ZNF254: variants seen among roughly 807,000 people sequenced by gnomAD.
The protein encoded by ZNF254 is zinc finger protein 254.
In ZNF254, 10 loss-of-function variants were observed where a neutral mutation model predicts 12.4. The ratio of observed to expected loss-of-function variants is 0.80; its 90% CI spans 0.50 to 1.36. The LOEUF (loss-of-function observed/expected upper bound fraction) is 1.36, where lower values mean the gene tolerates loss of function less well. Among genes scored for constraint, ZNF254 ranks in the 40% most tolerant of loss-of-function variants. ZNF254 has a pLI of 0.00. For missense variants in ZNF254, 996 were observed against 763.9 expected (o/e 1.30, Z -3.58); for synonymous variants, 305 against 253.4 (o/e 1.20, Z -1.93).
Position 24,106,560 on chromosome 19 carries a change from C to G in ZNF254, c.170C>G (p.Ser57Cys), listed in dbSNP as rs757607699. Residue 57 changes from serine (S) to cysteine (C), a missense_variant, in exon 3 of 4, where the codon TCT becomes TGT. Ser to Cys is a moderately radical substitution (Grantham distance 112, BLOSUM62 -1). Coordinates refer to ENST00000357002, the MANE Select transcript of ZNF254 (RefSeq NM_203282.4). ...RNLAFLGIAV[S>C]KPDLITCLEQ... ...TTTAATAAAACAGGTATTGCTGTCT[C>G]TAAGCCAGACCTGATCACCTGTCTG... 3 of 1,581,038 alleles carry G rather than the reference C, an allele frequency of 1.9e-6. No homozygotes were observed. In the African/African-American group the frequency reaches 4.0e-5, roughly 21 times the overall value.
chr19:24,054,832 A>G (rs1193260725), intron 2 of ZNF254, among the ~76,000 whole-genome samples: 1 of 152,172 alleles, frequency 6.6e-6, no homozygotes, highest in African/African-American at 2.4e-5. Context: ...TAGGGCCACA[A>G]GTATGGTCAT....
At chr19:24,051,463 G>GT (rs1002693235) in intron 2 of ZNF254, among the ~76,000 whole-genome samples, 143 of 152,308 alleles carry the variant, frequency 9.4e-4, no homozygotes, top group African/African-American at 3.3e-3. Context: ...CCTGGCCAAT[G>GT]TAACTCTTTT....
intron 1 of ZNF254, among the ~76,000 whole-genome samples, chr19:24,088,728 C>T (rs1972179936): frequency 6.6e-6 from 1 of 151,988 alleles, no homozygotes; most frequent in Non-Finnish European, 1.5e-5. Context: ...GTGATTTAGG[C>T]TCACTGCAAC....
chr19:24,047,728 C>T (rs1970454708), intron 2 of ZNF254, among the ~76,000 whole-genome samples: 1 of 148,200 alleles, frequency 6.7e-6, no homozygotes, highest in East Asian at 2.0e-4. Flanking sequence ...ACTCTTGTTG[C>T]CCAGCCTGGA....
rs10425147 is a variant in ZNF254, at chr19:24,060,765, A to G, written c.-94+14486A>G. On this transcript the variant is annotated intron_variant, in intron 2 of 4. Transcript: ENST00000613065. ...CCTTCCTGGGAACTGTCCATAATGA[A>G]GATTGTGACACATCACTTGGCCCAG... Among the ~76,000 whole-genome samples, 812 of 152,304 alleles carry G rather than the reference A, an allele frequency of 5.3e-3. 7 individuals carry two copies. Among genetic ancestry groups the G allele is most frequent in the African/African-American group, 0.019 (784 of 41,572 alleles).
chr19:24,115,321 T>C (rs1973970962), intron 3 of ZNF254, among the ~76,000 whole-genome samples: 1 of 152,144 alleles, frequency 6.6e-6, no homozygotes, highest in South Asian at 2.1e-4. Context: ...GTGGCACATA[T>C]ACACCATGGA....
chr19:24,096,770 A>G (rs1972695632), intron 1 of ZNF254, among the ~76,000 whole-genome samples: 1 of 152,288 alleles, frequency 6.6e-6, no homozygotes, highest in East Asian at 1.9e-4. Flanking sequence ...GTAGTCTCCC[A>G]CTGTTATTGT....
intron 3 of ZNF254, among the ~76,000 whole-genome samples, chr19:24,121,844 C>T (rs1974504871): frequency 2.0e-5 from 3 of 152,126 alleles, no homozygotes; most frequent in Admixed American, 2.0e-4. Context: ...TGTGAGCCAC[C>T]ACACCAGGCT....
At chr19:24,071,737 G>C (rs1186788815) in intron 2 of ZNF254, among the ~76,000 whole-genome samples, 1 of 152,094 alleles carries the variant, frequency 6.6e-6, no homozygotes, top group African/African-American at 2.4e-5. Flanking sequence ...GCCCAAGGAG[G>C]GATTGTGATG....
chr19:24,045,426 TTGGGAGGC>T (rs2145238315), intron 1 of ZNF254, among the ~76,000 whole-genome samples: 2 of 152,132 alleles, frequency 1.3e-5, no homozygotes, highest in Admixed American at 6.5e-5. Flanking sequence ...TCCCAGCACT[TTGGGAGGC>T]CGAGGTGGGC....
intron 1 of ZNF254, chr19:24,104,121 G>A (rs1973193239): frequency 6.6e-6 from 1 of 152,272 alleles, no homozygotes; most frequent in African/African-American, 2.4e-5. Context: ...GCCTCCCAAA[G>A]TGCTGGGATT....
chr19:24,053,349 G>A (rs1236849524), intron 2 of ZNF254, among the ~76,000 whole-genome samples: 3 of 152,214 alleles, frequency 2.0e-5, no homozygotes, highest in African/African-American at 4.8e-5. Context: ...TAAGAAATGT[G>A]TGAAATTGTT....
chr19:24,117,192 G>C (rs1405383657), intron 3 of ZNF254, among the ~76,000 whole-genome samples: 2 of 152,150 alleles, frequency 1.3e-5, no homozygotes, highest in Non-Finnish European at 2.9e-5. Flanking sequence ...CAGATCTCCA[G>C]CTGTGTGTTG....
chr19:24,122,633 A>G (rs942754252), intron 3 of ZNF254, among the ~76,000 whole-genome samples: 9 of 152,072 alleles, frequency 5.9e-5, no homozygotes, highest in African/African-American at 1.9e-4. Context: ...TGGCTGGCTC[A>G]TTTCATTTTA....
At position 24,053,020 on chromosome 19, in the gene ZNF254, C is replaced by T. The variant is rs369555607; in HGVS notation, c.-94+6741C>T. Among the ~76,000 whole-genome samples the T allele has an allele frequency of 2.2e-3, 335 of 152,238 alleles. 1 individual carries two copies. Among genetic ancestry groups the T allele is most frequent in the Middle Eastern group, 0.02 (6 of 294 alleles). On this transcript the variant is annotated intron_variant, in intron 2 of 4. Transcript: ENST00000613065. ...AGAACTCAGCACACAGGGGAGGTTG[C>T]GACACTCATATGCATAGCCTGCCAA... is the stretch of plus-strand genomic sequence containing the variant.
intron 1 of ZNF254, 81 bp downstream of exon 1, chr19:24,087,418 G>A: frequency 1.3e-6 from 2 of 1,578,612 alleles, no homozygotes; most frequent in South Asian, 1.1e-5. Flanking sequence ...CGGGACTCAG[G>A]CCTCCCCCCA....
At chr19:24,086,317 ATT>A (rs954034291), upstream of ZNF254, among the ~76,000 whole-genome samples, 3 of 152,030 alleles carry the variant, frequency 2.0e-5, no homozygotes, top group African/African-American at 7.2e-5. Context: ...ATTTTATTTT[ATT>A]TTTTGAGACA....
intron 1 of ZNF254, among the ~76,000 whole-genome samples, chr19:24,036,239 T>C (rs1219356087): frequency 6.6e-6 from 1 of 152,062 alleles, no homozygotes; most frequent in Non-Finnish European, 1.5e-5. Flanking sequence ...AATTTTTTTT[T>C]TTTGTATTTT....
intron 1 of ZNF254, among the ~76,000 whole-genome samples, chr19:24,038,954 C>A (rs975111920): frequency 1.3e-5 from 2 of 152,194 alleles, no homozygotes; most frequent in Non-Finnish European, 2.9e-5. Context: ...AAACATTTTG[C>A]TTATTCTCTT....
Sources: gnomAD v4.1 joint callset for allele counts (sites outside exome capture counted in the v4.1 genomes callset) on GRCh38, gnomAD v4.1.1 for gene constraint, MANE v1.5 for transcripts, NCBI Gene and HGNC (gene_info 2026-07-23, HGNC 2026-07-21) for gene names.